The following ZFYVE9 variants were observed in gnomAD, a reference collection of about 807,000 sequenced individuals.
The protein encoded by ZFYVE9 is zinc finger FYVE-type containing 9.
In ZFYVE9, 43 loss-of-function variants were observed where a neutral mutation model predicts 126.7. That is an observed-to-expected ratio of 0.34 (90% confidence interval 0.27 to 0.44). ZFYVE9 has a LOEUF of 0.44. ZFYVE9 is among the 20% of genes least tolerant of loss of function. ZFYVE9 has a pLI of 1.00. For missense variants in ZFYVE9, 1,476 were observed against 1,697.0 expected (o/e 0.87, Z 2.29); for synonymous variants, 521 against 597.4 (o/e 0.87, Z 1.87).
chr1:52,303,289 C>T (rs561139690), intron 12 of ZFYVE9, among the ~76,000 whole-genome samples: 21 of 152,290 alleles, frequency 1.4e-4, no homozygotes, highest in African/African-American at 4.1e-4. Flanking sequence ...AAAGTCCTCA[C>T]GGTGACCTAT....
chr1:52,294,636 C>T (rs936669905), intron 11 of ZFYVE9, among the ~76,000 whole-genome samples: 21 of 152,100 alleles, frequency 1.4e-4, no homozygotes, highest in African/African-American at 4.8e-4. Context: ...AAGTTAAGTT[C>T]ATTGGGAGCT....
At chr1:52,246,587 A>G (rs1645386542) in intron 4 of ZFYVE9, among the ~76,000 whole-genome samples, 1 of 148,490 alleles carries the variant, frequency 6.7e-6, no homozygotes, top group African/African-American at 2.5e-5. Flanking sequence ...GCTGGAGTGC[A>G]GTGGCATGAT....
At chr1:52,187,793 CAATT>C (rs756489470) in intron 1 of ZFYVE9, among the ~76,000 whole-genome samples, 3 of 152,148 alleles carry the variant, frequency 2.0e-5, no homozygotes, top group Non-Finnish European at 4.4e-5. Flanking sequence ...GTTAAAAAGT[CAATT>C]AATAACAGAT....
intron 2 of ZFYVE9, among the ~76,000 whole-genome samples, chr1:52,223,253 A>G (rs1645140941): frequency 1.3e-5 from 2 of 152,040 alleles, no homozygotes; most frequent in Non-Finnish European, 2.9e-5. Flanking sequence ...GGCTTTCCAC[A>G]CTAGAAACAT....
At chr1:52,148,255 G>A (rs535216110) in intron 1 of ZFYVE9, among the ~76,000 whole-genome samples, 3 of 151,970 alleles carry the variant, frequency 2.0e-5, no homozygotes, top group Admixed American at 6.6e-5. Context: ...TGGGCCGATC[G>A]CCTGAGGTCA....
chr1:52,230,582 A>G (rs963043640), intron 2 of ZFYVE9, among the ~76,000 whole-genome samples: 3 of 151,370 alleles, frequency 2.0e-5, no homozygotes, highest in Non-Finnish European at 4.4e-5. Flanking sequence ...AGGATGGGCA[A>G]TTTGGTTTTT....
At chr1:52,319,873 C>T (rs1403838100) in intron 13 of ZFYVE9, among the ~76,000 whole-genome samples, 2 of 150,358 alleles carry the variant, frequency 1.3e-5, no homozygotes, top group South Asian at 2.1e-4. Flanking sequence ...ATAAGCTGGG[C>T]GTGGTAATGT....
intron 12 of ZFYVE9, among the ~76,000 whole-genome samples, chr1:52,297,897 A>G (rs1245444289): frequency 2.6e-5 from 4 of 151,392 alleles, no homozygotes; most frequent in Non-Finnish European, 4.4e-5. Flanking sequence ...TAGTTTTTGT[A>G]TTTTTAGTAG....
At chr1:52,236,391 G>A (rs1056602443) in intron 3 of ZFYVE9, among the ~76,000 whole-genome samples, 1 of 152,146 alleles carries the variant, frequency 6.6e-6, no homozygotes, top group East Asian at 1.9e-4. Context: ...ATAAAGTTTT[G>A]ATTAAGGTGC....
chr1:52,331,788 AT>A (rs1428191966), intron 13 of ZFYVE9, among the ~76,000 whole-genome samples: 1 of 109,832 alleles, frequency 9.1e-6, no homozygotes, highest in Non-Finnish European at 1.9e-5. Flanking sequence ...TTTTTTTTTT[AT>A]TTTTTTTTGA....
At chr1:52,318,341 C>T (rs1482293088) in intron 13 of ZFYVE9, among the ~76,000 whole-genome samples, 1 of 149,590 alleles carries the variant, frequency 6.7e-6, no homozygotes, top group Non-Finnish European at 1.5e-5. Flanking sequence ...AATCCTACTT[C>T]CATTCAAGAT....
At chr1:52,200,419 G>A (rs1644912714) in intron 1 of ZFYVE9, among the ~76,000 whole-genome samples, 2 of 152,200 alleles carry the variant, frequency 1.3e-5, no homozygotes, top group Non-Finnish European at 2.9e-5. Flanking sequence ...GAGCTCAAGC[G>A]ATCCACCCAC....
At chr1:52,219,644 C>T (rs1645103948) in intron 2 of ZFYVE9, among the ~76,000 whole-genome samples, 2 of 151,570 alleles carry the variant, frequency 1.3e-5, no homozygotes, top group South Asian at 4.2e-4. Context: ...GGAAGACAGA[C>T]CAAATATATA....
rs774193118 is a variant in ZFYVE9 at position 52,274,451 on chromosome 1, T to C, written c.2626-13T>C. 1.3e-6 allele frequency: 2 copies of C among 1,595,946 alleles called. No homozygotes were observed. Among genetic ancestry groups the C allele is most frequent in the Non-Finnish European group, 1.7e-6 (2 of 1,167,484 alleles). On this transcript the variant is annotated splice_polypyrimidine_tract_variant and intron_variant, in intron 7 of 18. Coordinates refer to ENST00000287727, the MANE Select transcript of ZFYVE9 (RefSeq NM_004799.4). ...TCTCTGTAGTGCTCACTTTGTTGAT[T>C]TGCTTTTCCTAGACGGATATTTGTC...
rs1336330709 is a variant in ZFYVE9, at chr1:52,294,930, C to T, written c.3251-965C>T. On this transcript the variant is annotated intron_variant, in intron 11 of 18. Transcript: ENST00000287727. ...AGAAGAATGAACTCTTGGCTGAGTG[C>T]GGTGGCTCATGCCTCTAATTCCAGC... Among the ~76,000 whole-genome samples, 5 of 152,308 alleles carry T rather than the reference C, an allele frequency of 3.3e-5. No homozygotes were observed. The South Asian group carries it at 1.0e-3, about 32-fold the overall frequency.
chr1:52,281,693 A>G lies in ZFYVE9; in HGVS notation c.2902A>G (p.Lys968Glu). 1 of 1,614,160 alleles carries G rather than the reference A, an allele frequency of 6.2e-7. No individual in the cohort carries two copies. The highest frequency in any genetic ancestry group is 8.5e-7 in the Non-Finnish European group (1 of 1,180,020). ...VNRKCWCFTT[K>E]GMHAVGQSEI... Reference sequence around the variant, plus strand: ...CAGGAAGTGCTGGTGTTTCACAACCAAGGGAATGCATGCAGTGGGTCAGTC... The same window carrying G: ...CAGGAAGTGCTGGTGTTTCACAACCGAGGGAATGCATGCAGTGGGTCAGTC... The change falls in exon 10 of 19, where the codon AAG becomes GAG. Residue 968 changes from lysine (K) to glutamate (E), a missense_variant. Transcript: ENST00000287727.
intron 1 of ZFYVE9, among the ~76,000 whole-genome samples, chr1:52,192,678 T>C (rs1644826165): frequency 6.6e-6 from 1 of 152,116 alleles, no homozygotes; most frequent in Admixed American, 6.5e-5. Flanking sequence ...AAAGGATTAA[T>C]GCACAGGATA....
chr1:52,161,317 T>G (rs901263865), intron 1 of ZFYVE9, among the ~76,000 whole-genome samples: 1 of 152,104 alleles, frequency 6.6e-6, no homozygotes, highest in African/African-American at 2.4e-5. Context: ...GGAGACAGAG[T>G]CTTGCTCTAT....
intron 1 of ZFYVE9, among the ~76,000 whole-genome samples, chr1:52,184,239 T>TA (rs2124546040): frequency 7.0e-6 from 1 of 143,864 alleles, no homozygotes; most frequent in African/African-American, 2.6e-5. Context: ...ATATATATAT[T>TA]TTGAGATGGA....
Sources: allele counts gnomAD v4.1 joint callset (sites outside exome capture counted in the v4.1 genomes callset), GRCh38; gene constraint gnomAD v4.1.1; transcripts MANE v1.5; gene names NCBI Gene and HGNC (gene_info 2026-07-23, HGNC 2026-07-21).